DOCK4: variants seen among roughly 807,000 people sequenced by gnomAD.
DOCK4 encodes the protein dedicator of cytokinesis protein 4.
A neutral mutation model predicts 268.1 loss-of-function variants in DOCK4; 97 were observed. The observed-to-expected ratio is 0.36, with a 90% CI of 0.31 to 0.43. DOCK4 has a LOEUF of 0.43. DOCK4 is among the 20% of genes least tolerant of loss of function. The pLI, the probability that DOCK4 is intolerant of heterozygous loss-of-function variation, is 1.00. For missense variants in DOCK4, 2,145 were observed against 2,455.7 expected (o/e 0.87, Z 2.67); for synonymous variants, 954 against 887.2 (o/e 1.08, Z -1.34).
chr7:111,839,748 T>C (rs1803525799), intron 25 of DOCK4, among the ~76,000 whole-genome samples: 1 of 152,232 alleles, frequency 6.6e-6, no homozygotes, highest in Non-Finnish European at 1.5e-5. Flanking sequence ...GAGGCCTAGA[T>C]GTCCAATTAC....
At chr7:112,002,551 C>T (rs181409258) in intron 2 of DOCK4, among the ~76,000 whole-genome samples, 103 of 152,164 alleles carry the variant, frequency 6.8e-4, no homozygotes, top group Admixed American at 2.9e-3. Flanking sequence ...ATAAACATTC[C>T]GATATCACCA....
At chr7:112,152,036 A>G (rs1816144397) in intron 1 of DOCK4, among the ~76,000 whole-genome samples, 1 of 152,094 alleles carries the variant, frequency 6.6e-6, no homozygotes, top group Admixed American at 6.6e-5. Flanking sequence ...TGCATTTGAG[A>G]CAGAGGAAAA....
At chr7:111,764,722 A>G (rs1263241359) in intron 39 of DOCK4, among the ~76,000 whole-genome samples, 2 of 152,086 alleles carry the variant, frequency 1.3e-5, no homozygotes, top group Non-Finnish European at 2.9e-5. Context: ...CACTCTTTAC[A>G]TGGTGCTGGA....
chr7:112,055,032 A>G (rs968005786), intron 1 of DOCK4, among the ~76,000 whole-genome samples: 1 of 152,252 alleles, frequency 6.6e-6, no homozygotes, highest in Non-Finnish European at 1.5e-5. Flanking sequence ...ATTTCTACAT[A>G]CAGTCAGTCC....
At chr7:111,960,592 T>C (rs968180869) in intron 8 of DOCK4, among the ~76,000 whole-genome samples, 3 of 147,246 alleles carry the variant, frequency 2.0e-5, no homozygotes, top group Non-Finnish European at 3.0e-5. Flanking sequence ...AATGTGCAAG[T>C]ATATAATACA....
intron 30 of DOCK4, chr7:111,801,640 A>G (rs1361990524): frequency 6.6e-6 from 1 of 151,568 alleles, no homozygotes; most frequent in African/African-American, 2.4e-5. Context: ...TTTCCTCATC[A>G]GAGCAAGAAT....
intron 23 of DOCK4, among the ~76,000 whole-genome samples, chr7:111,849,315 T>G (rs1027543644): frequency 6.7e-6 from 1 of 149,238 alleles, no homozygotes; most frequent in Non-Finnish European, 1.5e-5. Flanking sequence ...CAGGCTGGAG[T>G]GCAGTGGTGC....
chr7:111,820,220 A>C (rs1259001459), intron 27 of DOCK4: 1 of 152,274 alleles, frequency 6.6e-6, no homozygotes, highest in Non-Finnish European at 1.5e-5. Flanking sequence ...CAAGAGCAAG[A>C]ACATACAGCA....
intron 1 of DOCK4, among the ~76,000 whole-genome samples, chr7:112,108,073 T>C (rs1277874171): frequency 1.3e-5 from 2 of 152,222 alleles, no homozygotes; most frequent in African/African-American, 4.8e-5. Context: ...GTTTTCCTAT[T>C]TGTAAGAAAA....
At chr7:112,197,895 C>G (rs916621278) in intron 1 of DOCK4, among the ~76,000 whole-genome samples, 9 of 147,976 alleles carry the variant, frequency 6.1e-5, no homozygotes, top group African/African-American at 2.2e-4. Context: ...TTGCAGGTAT[C>G]TCAAAAATTG....
intron 1 of DOCK4, among the ~76,000 whole-genome samples, chr7:112,174,760 T>G (rs942175958): frequency 1.2e-4 from 19 of 152,112 alleles, no homozygotes; most frequent in African/African-American, 4.3e-4. Context: ...ACCATCCAAT[T>G]TTAAGGCTCT....
In DOCK4 at chr7:112,018,169, A is replaced by AC. The variant is rs1313251478; in HGVS notation, c.38-14039_38-14038insG. On this transcript the variant is annotated intron_variant, in intron 1 of 52. Coordinates refer to ENST00000428084, the MANE Select transcript of DOCK4 (RefSeq NM_001363540.2). ...AAAAAAAAAAAAAAAAAAAAAAAAA[A>AC]AAAAAAAAAAACACAGGCAACCAGT... 3.3e-4 allele frequency among the ~76,000 whole-genome samples: 46 copies of AC among 138,920 alleles called. 2 individuals are homozygous for AC. The highest frequency in any genetic ancestry group is 1.3e-3 in the African/African-American group (42 of 33,300). 91.1% of individuals were successfully genotyped at this position (138,920 alleles called of 152,430 possible). A position where few individuals can be genotyped will look rare whatever the true frequency, so the allele number is the denominator to read the frequency against.
At chr7:111,904,835 T>G (rs1791428700) in intron 13 of DOCK4, among the ~76,000 whole-genome samples, 1 of 152,094 alleles carries the variant, frequency 6.6e-6, no homozygotes, top group Non-Finnish European at 1.5e-5. Flanking sequence ...CAACACTACT[T>G]TGTTATATTA....
chr7:111,936,364 G>A (rs77994256), intron 11 of DOCK4, among the ~76,000 whole-genome samples: 3,892 of 152,152 alleles, frequency 0.026, 176 homozygotes, highest in African/African-American at 0.089. Context: ...CTTTGTTTAC[G>A]TGGTGTAGTT....
intron 1 of DOCK4, among the ~76,000 whole-genome samples, chr7:112,190,442 C>T (rs893627213): frequency 2.0e-5 from 3 of 152,062 alleles, no homozygotes; most frequent in African/African-American, 7.3e-5. Context: ...GTTAGGTTTT[C>T]CAGGTAAAGA....
intron 1 of DOCK4, among the ~76,000 whole-genome samples, chr7:112,145,294 C>G (rs980379094): frequency 6.6e-6 from 1 of 152,168 alleles, no homozygotes; most frequent in Non-Finnish European, 1.5e-5. Flanking sequence ...CATCCCTAAG[C>G]AAAGCTTTGT....
chr7:111,829,865 C>A (rs1332060367), intron 26 of DOCK4, among the ~76,000 whole-genome samples: 1 of 152,104 alleles, frequency 6.6e-6, no homozygotes, highest in East Asian at 1.9e-4. Flanking sequence ...CAAAACCTGA[C>A]CAGAATGATT....
intron 1 of DOCK4, among the ~76,000 whole-genome samples, chr7:112,109,229 T>G (rs1811408803): frequency 6.6e-6 from 1 of 152,134 alleles, no homozygotes; most frequent in East Asian, 1.9e-4. Context: ...CAGCACTGCC[T>G]TCTTCCCATT....
intron 1 of DOCK4, among the ~76,000 whole-genome samples, chr7:112,015,965 A>G (rs548400148): frequency 1.3e-5 from 2 of 152,322 alleles, no homozygotes; most frequent in African/African-American, 4.8e-5. Context: ...CCATGGTCCA[A>G]TCATTTCTTA....
Sources: allele counts gnomAD v4.1 joint callset (sites outside exome capture counted in the v4.1 genomes callset), GRCh38; gene constraint gnomAD v4.1.1; transcripts MANE v1.5; gene names NCBI Gene and HGNC (gene_info 2026-07-23, HGNC 2026-07-21).